TMEM44: variants seen among roughly 807,000 people sequenced by gnomAD.
TMEM44 encodes the protein transmembrane protein 44.
TMEM44 carries 43 observed loss-of-function variants against 47.8 expected under a neutral mutation model. The ratio of observed to expected loss-of-function variants is 0.90; its 90% CI spans 0.70 to 1.16. The LOEUF is 1.16. Ranked by LOEUF, TMEM44 falls within the 50% of genes most tolerant of loss-of-function variation. The probability of loss-of-function intolerance (pLI) is 0.00; values close to 1 mark genes in which losing one functional copy is unlikely to be tolerated. For missense variants in TMEM44, 568 were observed against 555.2 expected (o/e 1.02, Z -0.23); for synonymous variants, 277 against 238.8 (o/e 1.16, Z -1.48).
At chr3:194,627,851 C>T (rs563815623) in intron 2 of TMEM44, among the ~76,000 whole-genome samples, 143 of 152,036 alleles carry the variant, frequency 9.4e-4, no homozygotes, top group African/African-American at 3.1e-3. Flanking sequence ...TGGTGGCGTG[C>T]GCCTGTAATC....
intron 8 of TMEM44, among the ~76,000 whole-genome samples, chr3:194,607,303 T>C (rs1024320080): frequency 1.3e-5 from 2 of 152,258 alleles, no homozygotes; most frequent in Admixed American, 1.3e-4. Flanking sequence ...CACGTAAACA[T>C]GCAGAACCAC....
chr3:194,601,180 T>G (rs1464065994), intron 9 of TMEM44, among the ~76,000 whole-genome samples: 1 of 151,928 alleles, frequency 6.6e-6, no homozygotes, highest in East Asian at 1.9e-4. Context: ...GTTTCACTCT[T>G]TCACCCAGCC....
chr3:194,624,935 C>T lies in TMEM44; in HGVS notation c.358+962G>A, dbSNP rs540859745. Reference sequence around the variant, plus strand: ...TTCACCATGTTGGCCAGGCTGGTCTCGAACTCCTGACCTCAAAATGATCTG... The same window carrying T: ...TTCACCATGTTGGCCAGGCTGGTCTTGAACTCCTGACCTCAAAATGATCTG... On this transcript the variant is annotated intron_variant, in intron 3 of 9. Coordinates refer to ENST00000347147, the MANE Select transcript of TMEM44 (RefSeq NM_001011655.3). Among the ~76,000 whole-genome samples, 86 of 151,630 alleles carry T rather than the reference C, an allele frequency of 5.7e-4. 3 individuals are homozygous for T. The South Asian group carries it at 0.014, about 24-fold the overall frequency.
chr3:194,606,508 AGCCCAGGTCCCTGAATCGGGCAG>A (rs1183619517), intron 8 of TMEM44, among the ~76,000 whole-genome samples: 1 of 152,186 alleles, frequency 6.6e-6, no homozygotes, highest in Non-Finnish European at 1.5e-5. Flanking sequence ...TCTTCATAAA[AGCCCAGGTCCCTGAATCGGGCAG>A]GCTTAGTTTG....
chr3:194,618,631 C>T (rs1431881344), intron 5 of TMEM44, among the ~76,000 whole-genome samples: 2 of 149,616 alleles, frequency 1.3e-5, no homozygotes, highest in Non-Finnish European at 3.0e-5. Context: ...AGTTTATATA[C>T]ATAATACACA....
chr3:194,596,141 G>A (rs1446086690), intron 9 of TMEM44, among the ~76,000 whole-genome samples: 2 of 152,066 alleles, frequency 1.3e-5, no homozygotes, highest in Non-Finnish European at 2.9e-5. Flanking sequence ...TTAGGAGCCT[G>A]GGCTTAAAAG....
chr3:194,626,326 C>T (rs751949412), intron 2 of TMEM44, among the ~76,000 whole-genome samples: 11 of 152,224 alleles, frequency 7.2e-5, no homozygotes, highest in Admixed American at 5.9e-4. Flanking sequence ...GCTTCTCTGG[C>T]GCTCAGTTTC....
intron 9 of TMEM44, among the ~76,000 whole-genome samples, chr3:194,599,652 T>C (rs867039011): frequency 4.0e-5 from 6 of 151,690 alleles, no homozygotes; most frequent in Non-Finnish European, 7.4e-5. Flanking sequence ...TGGCTTGATC[T>C]TGACTCACTG....
At position 194,623,650 on chromosome 3, in the gene TMEM44, C is replaced by A; in HGVS notation, c.404G>T (p.Ser135Ile). Residue 135 changes from serine to isoleucine, a missense_variant, in exon 4 of 10, where the codon AGT becomes ATT. Ser to Ile is a moderately radical substitution (Grantham distance 142). Coordinates refer to ENST00000347147, the MANE Select transcript of TMEM44 (RefSeq NM_001011655.3). ...CAGCGGCAGGGCCAGGGCAAACACA[C>A]TGGCCCTGAGCTGCCGCCTCCTCTT... is the stretch of plus-strand genomic sequence containing the variant. Reference protein sequence around the residue: ...ERKRRRQLRASVFALALPLSL... With the variant: ...ERKRRRQLRAIVFALALPLSL... 6.2e-7 allele frequency: 1 copy of A among 1,613,162 alleles called. No homozygotes were observed. The highest frequency in any genetic ancestry group is 1.7e-5 in the Admixed American group (1 of 59,998).
At chr3:194,615,718 G>A (rs776931263) in intron 6 of TMEM44, 21 bp from the exon 7 acceptor site, 17 of 1,612,500 alleles carry the variant, frequency 1.1e-5, no homozygotes, top group Non-Finnish European at 1.3e-5. Flanking sequence ...GTAAGTTAAG[G>A]TAGGAAGCAG....
Position 194,604,241 on chromosome 3 carries a change from G to A in TMEM44, c.1176+46C>T, listed in dbSNP as rs368278737. The A allele has an allele frequency of 7.6e-5, 119 of 1,557,254 alleles. 1 individual carries two copies. Among genetic ancestry groups the A allele is most frequent in the Non-Finnish European group, 7.8e-5 (90 of 1,150,848 alleles). ...CAAGGAGCACCCAGCAAGTGTCGGC[G>A]AACGATGGCACCCACGCACCCGCCC... On this transcript the variant is annotated intron_variant, in intron 9 of 9. Coordinates refer to ENST00000347147, the MANE Select transcript of TMEM44 (RefSeq NM_001011655.3).
At chr3:194,623,963 C>G (rs1020170646) in intron 3 of TMEM44, among the ~76,000 whole-genome samples, 1 of 152,114 alleles carries the variant, frequency 6.6e-6, no homozygotes, top group African/African-American at 2.4e-5. Flanking sequence ...TATCTTCTCT[C>G]TATGCATCTG....
intron 9 of TMEM44, among the ~76,000 whole-genome samples, chr3:194,595,982 C>T (rs1405731016): frequency 1.3e-5 from 2 of 152,076 alleles, no homozygotes; most frequent in East Asian, 1.9e-4. Context: ...TCATGAAAGG[C>T]TTCCTGGAGG....
chr3:194,614,285 G>T (rs534087016), intron 7 of TMEM44, among the ~76,000 whole-genome samples: 1 of 152,222 alleles, frequency 6.6e-6, no homozygotes, highest in African/African-American at 2.4e-5. Flanking sequence ...GCTGGATCAT[G>T]TAGCTGGGCA....
chr3:194,604,258 C>A (rs774735760), intron 9 of TMEM44, 29 bp downstream of exon 9: 9 of 1,566,738 alleles, frequency 5.7e-6, no homozygotes, highest in Non-Finnish European at 7.8e-6. Flanking sequence ...GGCACCCACG[C>A]ACCCGCCCAG....
At chr3:194,624,741 A>G (rs1716955030) in intron 3 of TMEM44, among the ~76,000 whole-genome samples, 1 of 140,074 alleles carries the variant, frequency 7.1e-6, no homozygotes, top group Non-Finnish European at 1.6e-5. Flanking sequence ...TTTTTTTTTG[A>G]GACAGAGTTT....
rs750095113 is a variant in TMEM44 at position 194,633,230 on chromosome 3, C to CCTCCCCCATG, written c.-16_-15insCATGGGGGAG. The CCTCCCCCATG allele has an allele frequency of 4.4e-6, 6 of 1,362,408 alleles. No homozygotes were observed. Among genetic ancestry groups the CCTCCCCCATG allele is most frequent in the Non-Finnish European group, 9.5e-7 (1 of 1,054,962 alleles). The allele number at this position is 1,362,408 out of a possible 1,614,324, so 84.4% of individuals were successfully genotyped here. On this transcript the variant is annotated 5_prime_UTR_variant, in exon 1 of 10. The change creates a new upstream start codon in the 5' untranslated region. Coordinates refer to ENST00000347147, the MANE Select transcript of TMEM44 (RefSeq NM_001011655.3). ...GCCTCCCCCATGGCGCGGCTGGGCGCGCGGCGCGGGGCCGGGGACCTGGGC... is the reference window on the plus strand; with the variant it reads ...GCCTCCCCCATGGCGCGGCTGGGCGCCTCCCCCATGGCGGCGCGGGGCCGGGGACCTGGGC...
At chr3:194,608,094 C>T (rs761462899) in intron 8 of TMEM44, among the ~76,000 whole-genome samples, 1 of 152,208 alleles carries the variant, frequency 6.6e-6, no homozygotes, top group Non-Finnish European at 1.5e-5. Context: ...CAGTGCAAAG[C>T]TTTGGCCAGA....
At chr3:194,594,233 G>A (rs1713138129) in intron 9 of TMEM44, among the ~76,000 whole-genome samples, 1 of 151,500 alleles carries the variant, frequency 6.6e-6, no homozygotes, top group African/African-American at 2.4e-5. Context: ...GTACGATCTC[G>A]GCTCACTGCA....
Sources: allele counts gnomAD v4.1 joint callset (sites outside exome capture counted in the v4.1 genomes callset), GRCh38; gene constraint gnomAD v4.1.1; transcripts MANE v1.5; gene names NCBI Gene and HGNC (gene_info 2026-07-23, HGNC 2026-07-21).